Variants in KLHL1 observed in about 807,000 individuals in gnomAD.
The protein encoded by KLHL1 is kelch-like protein 1.
Under a neutral mutation model 77.7 loss-of-function variants are expected in KLHL1, and 47 were observed. The ratio of observed to expected loss-of-function variants is 0.60; its 90% CI spans 0.48 to 0.77. KLHL1 has a LOEUF of 0.77. Ranked by LOEUF, KLHL1 falls within the 30% of genes least tolerant of loss-of-function variation. KLHL1 has a pLI of 0.00. For synonymous variants in KLHL1, 360 were observed against 325.2 expected (o/e 1.11, Z -1.15); for missense variants, 925 against 910.8 (o/e 1.02, Z -0.20).
intron 5 of KLHL1, among the ~76,000 whole-genome samples, chr13:69,879,936 A>G (rs183614225): frequency 8.1e-4 from 124 of 152,328 alleles, no homozygotes; most frequent in African/African-American, 2.7e-3. Flanking sequence ...TTTGGTAACT[A>G]AAGAAATAAA....
intron 4 of KLHL1, among the ~76,000 whole-genome samples, chr13:69,905,404 A>G (rs373361409): frequency 2.0e-5 from 3 of 152,102 alleles, no homozygotes; most frequent in African/African-American, 7.2e-5. Context: ...GTCTAAATTG[A>G]CCAAATGCTG....
chr13:69,740,501 G>A lies in KLHL1; in HGVS notation c.1695C>T (p.Ser565=). 1 of 1,612,464 alleles carries A rather than the reference G, an allele frequency of 6.2e-7. No homozygotes were observed. Among genetic ancestry groups the A allele is most frequent in the Non-Finnish European group, 8.5e-7 (1 of 1,178,858 alleles). The change falls in exon 8 of 11, where the codon AGC becomes AGT. Residue 565 remains serine, a synonymous_variant. Transcript: ENST00000377844. Reference sequence around the variant, plus strand: ...CCCACCTTTCCACTGTATTCAGATAGCTCCAGCCATCATGGCCTCCCACAG... The same window carrying A: ...CCCACCTTTCCACTGTATTCAGATAACTCCAGCCATCATGGCCTCCCACAG... The part of the protein sequence containing the change: ...IYAVGGHDGW[S]YLNTVERWDP...
At chr13:69,862,953 A>T (rs1298675829) in intron 5 of KLHL1, among the ~76,000 whole-genome samples, 2 of 152,256 alleles carry the variant, frequency 1.3e-5, no homozygotes, top group East Asian at 3.9e-4. Context: ...AAGCACACTA[A>T]TACATCTGAT....
chr13:69,754,493 C>G (rs1874621930), intron 7 of KLHL1, among the ~76,000 whole-genome samples: 1 of 152,080 alleles, frequency 6.6e-6, no homozygotes, highest in Admixed American at 6.6e-5. Flanking sequence ...AAGTTTGTGT[C>G]ATATGAAAAT....
rs1253206373 is a variant in KLHL1, at chr13:70,019,973, G to A, written c.498-44171C>T. ...ACTCTCTTCTGCTATTCTGCCTTTT[G>A]AAAACAGAGTTTGTTCCTTTTTGCC... is the stretch of plus-strand genomic sequence containing the variant. On this transcript the variant is annotated intron_variant, in intron 1 of 10. Coordinates refer to ENST00000377844, the MANE Select transcript of KLHL1 (RefSeq NM_020866.3). Among the ~76,000 whole-genome samples, 3 of 152,202 alleles carry A rather than the reference G, an allele frequency of 2.0e-5. No individual in the cohort carries two copies. In the South Asian group the frequency reaches 6.2e-4, roughly 32 times the overall value.
At chr13:69,742,068 C>T (rs1593789634) in intron 7 of KLHL1, among the ~76,000 whole-genome samples, 1 of 152,144 alleles carries the variant, frequency 6.6e-6, no homozygotes, top group African/African-American at 2.4e-5. Flanking sequence ...ACAGTTTTAT[C>T]TTCTCTTCCT....
chr13:69,726,253 T>A (rs1873292714), intron 8 of KLHL1, among the ~76,000 whole-genome samples: 1 of 152,152 alleles, frequency 6.6e-6, no homozygotes, highest in East Asian at 1.9e-4. Flanking sequence ...ATCCTTTCTG[T>A]TGCACAATAA....
chr13:69,842,472 T>C (rs1204476054), intron 5 of KLHL1, among the ~76,000 whole-genome samples: 2 of 151,692 alleles, frequency 1.3e-5, no homozygotes, highest in Non-Finnish European at 3.0e-5. Flanking sequence ...CAGAGAAATA[T>C]AAATCAAAAC....
intron 7 of KLHL1, among the ~76,000 whole-genome samples, chr13:69,751,347 AGGT>A (rs1478425397): frequency 2.6e-5 from 4 of 152,064 alleles, no homozygotes; most frequent in Admixed American, 2.6e-4. Context: ...GAACGCGTAC[AGGT>A]GGATATGAAG....
chr13:69,916,152 C>T, intron 4 of KLHL1, among the ~76,000 whole-genome samples: 1 of 151,442 alleles, frequency 6.6e-6, no homozygotes, highest in African/African-American at 2.4e-5. Flanking sequence ...GGACTGTAAA[C>T]TAGTTCAACC....
At chr13:69,917,772 C>T (rs1882494982) in intron 4 of KLHL1, among the ~76,000 whole-genome samples, 1 of 151,996 alleles carries the variant, frequency 6.6e-6, no homozygotes, top group Admixed American at 6.6e-5. Context: ...ATTTTGGTAT[C>T]ACATAACATT....
At chr13:69,939,368 T>TACACAC (rs1883289282) in intron 4 of KLHL1, among the ~76,000 whole-genome samples, 1 of 89,484 alleles carries the variant, frequency 1.1e-5, no homozygotes, top group African/African-American at 4.3e-5. Context: ...TATATATATA[T>TACACAC]ATATATATAT....
chr13:69,882,598 A>ATGTC, intron 4 of KLHL1, 103 bp from the exon 5 acceptor site: 1 of 734,168 alleles, frequency 1.4e-6, no homozygotes, highest in Non-Finnish European at 2.3e-6. Flanking sequence ...TGTTCTTATT[A>ATGTC]TAACATAATC....
At chr13:69,715,016 G>A (rs1374950129) in intron 9 of KLHL1, among the ~76,000 whole-genome samples, 2 of 152,084 alleles carry the variant, frequency 1.3e-5, no homozygotes, top group Admixed American at 6.6e-5. Flanking sequence ...AAAATTCTGG[G>A]CAGCATATCT....
chr13:70,072,030 G>A (rs1018902819), intron 1 of KLHL1, among the ~76,000 whole-genome samples: 1 of 151,984 alleles, frequency 6.6e-6, no homozygotes, highest in Non-Finnish European at 1.5e-5. Flanking sequence ...CCAAAAGCTA[G>A]CTTGAAGATT....
At chr13:69,837,089 T>G (rs1182907703) in intron 6 of KLHL1, among the ~76,000 whole-genome samples, 1 of 151,922 alleles carries the variant, frequency 6.6e-6, no homozygotes, top group Non-Finnish European at 1.5e-5. Flanking sequence ...GACAAGACAG[T>G]AAGACTGGCA....
At chr13:70,030,491 C>A (rs1035251620) in intron 1 of KLHL1, among the ~76,000 whole-genome samples, 1 of 152,216 alleles carries the variant, frequency 6.6e-6, no homozygotes, top group African/African-American at 2.4e-5. Flanking sequence ...TCCTGAATGA[C>A]TACAAGGTAC....
At chr13:69,759,060 C>T (rs1297435541) in intron 7 of KLHL1, among the ~76,000 whole-genome samples, 1 of 152,026 alleles carries the variant, frequency 6.6e-6, no homozygotes, top group African/African-American at 2.4e-5. Context: ...AATTTACATA[C>T]CAGGTGTAGA....
Position 69,927,172 on chromosome 13 carries a change from T to G in KLHL1, c.1014+12868A>C, listed in dbSNP as rs1166677310. On this transcript the variant is annotated intron_variant, in intron 4 of 10. Coordinates refer to ENST00000377844, the MANE Select transcript of KLHL1 (RefSeq NM_020866.3). ...AAATGTTATTTTCAACATGTGCTGT[T>G]ACACACGCAAAATGTATACATGTGT... Among the ~76,000 whole-genome samples the G allele has an allele frequency of 2.0e-5, 3 of 152,044 alleles. No homozygotes were observed. The East Asian group carries it at 5.8e-4, about 29-fold the overall frequency.
Sources: gnomAD v4.1 joint callset for allele counts (sites outside exome capture counted in the v4.1 genomes callset) on GRCh38, gnomAD v4.1.1 for gene constraint, MANE v1.5 for transcripts, NCBI Gene and HGNC (gene_info 2026-07-23, HGNC 2026-07-21) for gene names.